Variants in ANAPC1 observed in about 807,000 individuals in gnomAD.
The protein encoded by ANAPC1 is anaphase promoting complex subunit 1.
In ANAPC1, 36 loss-of-function variants were observed where a neutral mutation model predicts 208.0. The ratio of observed to expected loss-of-function variants is 0.17; its 90% CI spans 0.13 to 0.23. The LOEUF (loss-of-function observed/expected upper bound fraction) is 0.23, where lower values mean the gene tolerates loss of function less well. Ranked by LOEUF, ANAPC1 falls within the 10% of genes least tolerant of loss-of-function variation. The probability of loss-of-function intolerance (pLI) is 1.00; values close to 1 mark genes in which losing one functional copy is unlikely to be tolerated. For missense variants in ANAPC1, 942 were observed against 2,011.6 expected, an observed-to-expected ratio of 0.47 and a Z score of 10.17; for synonymous variants, 378 against 695.2, an observed-to-expected ratio of 0.54 and a Z score of 7.18.
intron 13 of ANAPC1, among the ~76,000 whole-genome samples, 180 bp from the exon 14 acceptor site, chr2:111,851,090 C>T (rs1159966352): frequency 3.3e-5 from 5 of 151,954 alleles, no homozygotes; most frequent in Middle Eastern, 3.4e-3. Context: ...TATCCAACTG[C>T]AAATATGTTG....
chr2:111,779,839 C>T (rs1418190872), intron 44 of ANAPC1: 1 of 234,190 alleles, frequency 4.3e-6, no homozygotes, highest in African/African-American at 2.4e-5. Context: ...AAAACCGACC[C>T]TGTCTCAAAA....
intron 13 of ANAPC1, among the ~76,000 whole-genome samples, chr2:111,856,018 G>A (rs6725415): frequency 0.58 from 88,331 of 151,946 alleles, 26,609 homozygotes; most frequent in South Asian, 0.69. Context: ...GGTGGATCAC[G>A]AGGTCAGGAG....
At chr2:111,792,833 G>A (rs1012718477) in intron 37 of ANAPC1, among the ~76,000 whole-genome samples, 4 of 152,052 alleles carry the variant, frequency 2.6e-5, no homozygotes, top group African/African-American at 9.7e-5. Flanking sequence ...GGCGCCTGTG[G>A]TCCCAGCTGC....
chr2:111,863,802 A>G lies in ANAPC1; in HGVS notation c.925T>C (p.Ser309Pro). The G allele has an allele frequency of 6.2e-7, 1 of 1,613,944 alleles. No homozygotes were observed. The highest frequency in any genetic ancestry group is 1.3e-5 in the African/African-American group (1 of 75,044). The change falls in exon 9 of 48, where the codon TCC (serine) becomes CCC (proline). Residue 309 changes from serine (S) to proline (P), a missense_variant. Ser to Pro is a moderately conservative substitution (Grantham distance 74). Transcript: ENST00000341068. ...GAAGTCACAGGGGAATCTCCTTTGG[A>G]GAGGCTTCTGAGATGTGCTGTGAGG... ...SSLTAHLRSL[S>P]KGDSPVTSPF...
In ANAPC1 at chr2:111,833,290, A is replaced by G. The variant is rs570237519; in HGVS notation, c.2406T>C (p.Tyr802=). 6 of 1,592,622 alleles carry G rather than the reference A, an allele frequency of 3.8e-6. No homozygotes were observed. Among genetic ancestry groups the G allele is most frequent in the East Asian group, 2.2e-5 (1 of 44,586 alleles). The stretch of plus-strand genomic sequence containing the variant: ...GGTAGTCTCTATAGTAATGATCTAC[A>G]TAAGGCCCCAATTTTAAGTCCCTAA... The part of the protein sequence containing the change: ...QLARDLKLGP[Y]VDHYYRDYPT... The change falls in exon 20 of 48, where the codon TAT becomes TAC. Residue 802 remains tyrosine (Y), a synonymous_variant. Coordinates refer to ENST00000341068, the MANE Select transcript of ANAPC1 (RefSeq NM_022662.4).
At chr2:111,864,329 A>AGATGATGATGAT (rs200879980) in intron 8 of ANAPC1, among the ~76,000 whole-genome samples, 125 of 110,720 alleles carry the variant, frequency 1.1e-3, no homozygotes, top group South Asian at 3.5e-3. Flanking sequence ...CTGTCTCTAG[A>AGATGATGATGAT]GATGATGATG....
chr2:111,783,131 T>C (rs1326455638), intron 42 of ANAPC1, among the ~76,000 whole-genome samples: 1 of 152,138 alleles, frequency 6.6e-6, no homozygotes, highest in Non-Finnish European at 1.5e-5. Flanking sequence ...TTAGGAGAAC[T>C]TTCTAGCAAA....
At chr2:111,808,818 A>C (rs1217612272) in intron 29 of ANAPC1, 129 bp downstream of exon 29, 3 of 1,363,218 alleles carry the variant, frequency 2.2e-6, no homozygotes, top group Non-Finnish European at 3.1e-6. Flanking sequence ...TTAGTACTAG[A>C]TCATTCTTTG....
In ANAPC1 at chr2:111,832,937, C is replaced by CAAAAAAAAAAAAAAAAAA. The variant is rs908553180; in HGVS notation, c.2476+265_2476+282dup. Among the ~76,000 whole-genome samples the CAAAAAAAAAAAAAAAAAA allele has an allele frequency of 5.4e-4, 29 of 53,612 alleles. 6 individuals are homozygous for CAAAAAAAAAAAAAAAAAA. Among genetic ancestry groups the CAAAAAAAAAAAAAAAAAA allele is most frequent in the East Asian group, 6.7e-4 (1 of 1,494 alleles). The allele number at this position is 53,612 out of a possible 152,430, so 35.2% of individuals were successfully genotyped here. Reference sequence around the variant, plus strand: ...TGGGTGACAGAGCGAGACTCAGTCTCAAAAAAAAAAAAAAAAAAAGCATCC... The same window carrying CAAAAAAAAAAAAAAAAAA: ...TGGGTGACAGAGCGAGACTCAGTCTCAAAAAAAAAAAAAAAAAAAAAAAAAAAAAAAAAAAAAGCATCC... On this transcript the variant is annotated intron_variant, in intron 20 of 47. Coordinates refer to ENST00000341068, the MANE Select transcript of ANAPC1 (RefSeq NM_022662.4).
At chr2:111,837,387 C>T (rs781282859) in intron 18 of ANAPC1, among the ~76,000 whole-genome samples, 18 of 152,094 alleles carry the variant, frequency 1.2e-4, no homozygotes, top group Non-Finnish European at 2.1e-4. Flanking sequence ...TTTGGGAGGC[C>T]GAGGTGGGCA....
Position 111,883,077 on chromosome 2 carries a change from A to C in ANAPC1, c.-25+865T>G, listed in dbSNP as rs977294989. Among the ~76,000 whole-genome samples, 9 of 151,130 alleles carry C rather than the reference A, an allele frequency of 6.0e-5. 1 individual carries two copies. Among genetic ancestry groups the C allele is most frequent in the Non-Finnish European group, 1.3e-4 (9 of 67,870 alleles). On this transcript the variant is annotated intron_variant, in intron 1 of 47. Coordinates refer to ENST00000341068, the MANE Select transcript of ANAPC1 (RefSeq NM_022662.4). ...AGCTACTTGGGAGGCTGAAGCAGAG[A>C]ATTGCTTGAACACGGGAGCCAGAGG... is the stretch of plus-strand genomic sequence containing the variant.
chr2:111,842,642 C>T (rs372545610), intron 17 of ANAPC1, among the ~76,000 whole-genome samples: 4 of 84,026 alleles, frequency 4.8e-5, no homozygotes, highest in Non-Finnish European at 9.6e-5. Context: ...CATTCTGTCT[C>T]AAAAAAAAAA....
intron 46 of ANAPC1, among the ~76,000 whole-genome samples, chr2:111,775,369 T>C (rs529552687): frequency 8.5e-5 from 13 of 152,356 alleles, no homozygotes; most frequent in African/African-American, 2.9e-4. Flanking sequence ...GAGTTGTCAG[T>C]GAGTGATCCT....
rs1681172930 is a variant in ANAPC1, at chr2:111,847,767, G to A, written c.1749C>T (p.Tyr583=). The A allele has an allele frequency of 1.9e-6, 3 of 1,606,866 alleles. No homozygotes were observed. The highest frequency in any genetic ancestry group is 1.7e-6 in the Non-Finnish European group (2 of 1,176,930). ...GGACAGGATCTCTGATAGAATGAAT[G>A]TAAGTTCCAAGCTGTTGGAAAGTAC... The part of the protein sequence containing the change: ...EDCTFQQLGT[Y]IHSIRDPVHN... The change falls in exon 15 of 48, where the codon TAC becomes TAT. Residue 583 remains tyrosine (Y), a synonymous_variant. Transcript: ENST00000341068.
chr2:111,850,406 A>G (rs189572960), intron 14 of ANAPC1, among the ~76,000 whole-genome samples: 2 of 152,308 alleles, frequency 1.3e-5, no homozygotes, highest in East Asian at 1.9e-4. Context: ...ATGTCCTCCC[A>G]TTGGATGTTA....
At chr2:111,848,414 G>A (rs1166374770) in intron 14 of ANAPC1, among the ~76,000 whole-genome samples, 4 of 150,972 alleles carry the variant, frequency 2.6e-5, no homozygotes, top group Non-Finnish European at 4.4e-5. Context: ...CTGACAATAT[G>A]CAAGGAAAGT....
chr2:111,795,391 AAT>A (rs1210024443), intron 34 of ANAPC1, among the ~76,000 whole-genome samples: 1 of 145,202 alleles, frequency 6.9e-6, no homozygotes. Context: ...CAAAAAAAAA[AAT>A]AATAATAATA....
At chr2:111,825,455 T>A (rs1558694834) in intron 22 of ANAPC1, among the ~76,000 whole-genome samples, 1 of 152,156 alleles carries the variant, frequency 6.6e-6, no homozygotes, top group Non-Finnish European at 1.5e-5. Flanking sequence ...GCATTTTCTA[T>A]CTGCATTTGG....
At chr2:111,850,368 T>C (rs1681322813) in intron 14 of ANAPC1, among the ~76,000 whole-genome samples, 1 of 152,240 alleles carries the variant, frequency 6.6e-6, no homozygotes, top group Non-Finnish European at 1.5e-5. Flanking sequence ...AAGACTGACA[T>C]GTCTCTCAGT....
Sources: gnomAD v4.1 joint callset for allele counts (sites outside exome capture counted in the v4.1 genomes callset) on GRCh38, gnomAD v4.1.1 for gene constraint, MANE v1.5 for transcripts, NCBI Gene and HGNC (gene_info 2026-07-23, HGNC 2026-07-21) for gene names.